BLM: variants seen among roughly 807,000 people sequenced by gnomAD.
The protein encoded by BLM is BLM RecQ like helicase.
In BLM, 95 loss-of-function variants were observed where a neutral mutation model predicts 135.3. The ratio of observed to expected loss-of-function variants is 0.70; its 90% CI spans 0.59 to 0.83. The LOEUF is 0.83. Ranked by LOEUF, BLM falls within the 40% of genes least tolerant of loss-of-function variation. The pLI is 0.00. For synonymous variants in BLM, 520 were observed against 589.2 expected, an observed-to-expected ratio of 0.88 and a Z score of 1.70; for missense variants, 1,518 against 1,663.9, an observed-to-expected ratio of 0.91 and a Z score of 1.53.
intron 13 of BLM, among the ~76,000 whole-genome samples, chr15:90,784,334 T>TTC (rs1896689837): frequency 7.6e-6 from 1 of 130,934 alleles, no homozygotes; most frequent in African/African-American, 3.2e-5. Flanking sequence ...TTTCTTTTTT[T>TTC]TTTTTTTTTT....
chr15:90,751,028 T>C (rs1335683007), intron 3 of BLM, among the ~76,000 whole-genome samples: 1 of 152,226 alleles, frequency 6.6e-6, no homozygotes, highest in Non-Finnish European at 1.5e-5. Context: ...TGCCACCTAA[T>C]ATTGATGTAT....
chr15:90,809,308 C>T (rs759309082), intron 20 of BLM, 49 bp downstream of exon 20: 11 of 1,612,916 alleles, frequency 6.8e-6, no homozygotes, highest in South Asian at 2.2e-5. Flanking sequence ...TAATGTGAAG[C>T]GACGCGTCTC....
Position 90,767,017 on chromosome 15 carries a change from A to G in BLM, c.2301A>G (p.Pro767=). Residue 767 remains proline (P), a synonymous_variant, in exon 10 of 22, where the codon CCA becomes CCG. Transcript: ENST00000355112. ...DPIIKLLYVT[P]EKICASNRLI... Reference sequence around the variant, plus strand: ...TCATAAAACTTCTATATGTCACTCCAGAAAAGGTTTGTATTTATATCATTA... The same window carrying G: ...TCATAAAACTTCTATATGTCACTCCGGAAAAGGTTTGTATTTATATCATTA... 6.5e-7 allele frequency: 1 copy of G among 1,528,206 alleles called. No individual in the cohort carries two copies. The highest frequency in any genetic ancestry group is 9.0e-7 in the Non-Finnish European group (1 of 1,105,550). The allele number at this position is 1,528,206 out of a possible 1,614,324, so 94.7% of individuals were successfully genotyped here. A position where few individuals can be genotyped will look rare whatever the true frequency, so the allele number is the denominator to read the frequency against.
intron 1 of BLM, among the ~76,000 whole-genome samples, chr15:90,721,065 T>C (rs1894752397): frequency 6.6e-6 from 1 of 152,186 alleles, no homozygotes; most frequent in African/African-American, 2.4e-5. Flanking sequence ...AAATTATTTA[T>C]TTTAGTGAAT....
At chr15:90,803,413 C>A in intron 17 of BLM, 108 bp from the exon 18 acceptor site, 1 of 948,388 alleles carries the variant, frequency 1.1e-6, no homozygotes, top group Non-Finnish European at 1.7e-6. Flanking sequence ...GGTTTGTGAT[C>A]TATTCCATCT....
At chr15:90,734,575 A>G (rs1316319685) in intron 1 of BLM, among the ~76,000 whole-genome samples, 3 of 152,032 alleles carry the variant, frequency 2.0e-5, no homozygotes, top group Non-Finnish European at 4.4e-5. Context: ...GATGTGAGCC[A>G]CCATGCCTGG....
chr15:90,780,697 C>T (rs552666682), intron 12 of BLM, among the ~76,000 whole-genome samples: 5 of 152,206 alleles, frequency 3.3e-5, no homozygotes, highest in Non-Finnish European at 7.3e-5. Flanking sequence ...GAGCACCAAG[C>T]GCTATGCTGT....
At chr15:90,752,832 A>C (rs747489265) in intron 4 of BLM, among the ~76,000 whole-genome samples, 25 of 152,216 alleles carry the variant, frequency 1.6e-4, no homozygotes, top group Non-Finnish European at 2.9e-4. Flanking sequence ...GCAAAAGTTT[A>C]TATAGAGTCT....
chr15:90,719,349 C>T (rs528418485), intron 1 of BLM, among the ~76,000 whole-genome samples: 2 of 152,294 alleles, frequency 1.3e-5, no homozygotes, highest in Admixed American at 1.3e-4. Context: ...CACCCATAAT[C>T]CCAGCACTTT....
At chr15:90,748,387 C>A (rs1179018677) in intron 2 of BLM, among the ~76,000 whole-genome samples, 3 of 152,130 alleles carry the variant, frequency 2.0e-5, no homozygotes, top group African/African-American at 7.2e-5. Context: ...GGATTACAGG[C>A]GTGAGCCACC....
Position 90,815,187 on chromosome 15 carries a change from G to C in BLM, c.4162G>C (p.Ala1388Pro), listed in dbSNP as rs1567068979. Residue 1388 changes from alanine (A) to proline (P), a missense_variant, in exon 22 of 22, where the codon GCG becomes CCG. Ala to Pro is a conservative substitution (Grantham distance 27). Around this residue, in one of 5 missense-constraint regions of BLM, gnomAD observed 153 missense variants for 173.4 expected, o/e 0.88. Transcript: ENST00000355112. The surrounding 1 kb of genome is among the most constrained non-coding windows in gnomAD (Gnocchi z 4.6). ...GSSSASHTSQ[A>P]TSGANSKLGI... ...CAGTTCAGCCTCACATACTTCTCAA[G>C]CGACATCAGGAGCCAATAGCAAATT... 6.2e-7 allele frequency: 1 copy of C among 1,614,134 alleles called. No homozygotes were observed. Among genetic ancestry groups the C allele is most frequent in the Non-Finnish European group, 8.5e-7 (1 of 1,180,036 alleles).
chr15:90,811,402 A>T lies in BLM; in HGVS notation c.4072A>T (p.Lys1358Ter). The T allele has an allele frequency of 6.2e-7, 1 of 1,614,124 alleles. No individual in the cohort carries two copies. The highest frequency in any genetic ancestry group is 8.5e-7 in the Non-Finnish European group (1 of 1,179,962). The change falls in exon 21 of 22, where the codon AAG (lysine) becomes TAG (stop). Residue 1358 changes from lysine to a stop codon, truncating the protein, a stop_gained. Coordinates refer to ENST00000355112, the MANE Select transcript of BLM (RefSeq NM_000057.4). LOFTEE classifies it low-confidence loss of function (END_TRUNC). ...AACTGCTTCCAGTGGTTCCAAGGCA[A>T]AGGGGTATGTTTTGTGACATCTTTT... Reference protein sequence around the residue: ...RKTASSGSKAKGGSATCRKIS... With the variant: ...RKTASSGSKA
chr15:90,805,827 G>A (rs920489145), intron 19 of BLM, among the ~76,000 whole-genome samples: 2 of 151,470 alleles, frequency 1.3e-5, no homozygotes, highest in African/African-American at 4.8e-5. Flanking sequence ...CACCGCATCC[G>A]GCCGGATTAT....
chr15:90,773,498 A>C (rs1896383768), intron 12 of BLM, among the ~76,000 whole-genome samples: 1 of 144,748 alleles, frequency 6.9e-6, no homozygotes, highest in Non-Finnish European at 1.5e-5. Context: ...CCTAAAGTTG[A>C]CACTTCAATG....
At chr15:90,806,709 T>C (rs1897293830) in intron 19 of BLM, among the ~76,000 whole-genome samples, 1 of 152,180 alleles carries the variant, frequency 6.6e-6, no homozygotes, top group East Asian at 1.9e-4. Flanking sequence ...AACGTCTTCA[T>C]ATAGTTGGCC....
Position 90,809,183 on chromosome 15 carries a change from T to G in BLM, c.3798T>G (p.Val1266=), listed in dbSNP as rs138831180. 3.3e-4 allele frequency: 536 copies of G among 1,614,186 alleles called. No homozygotes were observed. Among genetic ancestry groups the G allele is most frequent in the Middle Eastern group, 1.6e-3 (10 of 6,062 alleles). ...AGGTTTTGCTTCAAATTGATGGTGT[T>G]ACTGAAGACAAACTGGAAAAATATG... ...DPEVLLQIDG[V]TEDKLEKYGA... is the part of the protein sequence containing the mutation. Residue 1266 remains valine (V), a synonymous_variant, in exon 20 of 22, where the codon GTT becomes GTG. Coordinates refer to ENST00000355112, the MANE Select transcript of BLM (RefSeq NM_000057.4).
At position 90,717,380 on chromosome 15, in the gene BLM, C is replaced by G. The variant is rs577293550; in HGVS notation, c.-65C>G. 6.6e-6 allele frequency: 1 copy of G among 152,444 alleles called. No homozygotes were observed. The highest frequency in any genetic ancestry group is 1.5e-5 in the Non-Finnish European group (1 of 68,224). The allele number at this position is 152,444 out of a possible 1,614,324, so 9.4% of individuals were successfully genotyped here. A position where few individuals can be genotyped will look rare whatever the true frequency, so the allele number is the denominator to read the frequency against. On this transcript the variant is annotated 5_prime_UTR_variant, in exon 1 of 22. Transcript: ENST00000355112. ...AGTGAGCCAGGGCTTGGCGCGGCGG[C>G]CGTGGTTGCGGCGCGGGAAGTTTGG...
chr15:90,760,466 A>T, intron 6 of BLM, 128 bp from the exon 7 acceptor site: 1 of 1,276,936 alleles, frequency 7.8e-7, no homozygotes, highest in Non-Finnish European at 1.1e-6. Context: ...TCATGTTTTT[A>T]AGATTGGGAA....
At chr15:90,779,424 T>C (rs942089812) in intron 12 of BLM, among the ~76,000 whole-genome samples, 2 of 152,214 alleles carry the variant, frequency 1.3e-5, no homozygotes, top group Non-Finnish European at 2.9e-5. Flanking sequence ...CACCATAGCA[T>C]TCCTATCGGT....
Sources: gnomAD v4.1 joint callset for allele counts (sites outside exome capture counted in the v4.1 genomes callset) on GRCh38, gnomAD v4.1.1 for gene constraint, gnomAD v4.1.1 regional missense constraint, Gnocchi (gnomAD v3.1) non-coding constraint, MANE v1.5 for transcripts, NCBI Gene and HGNC (gene_info 2026-07-23, HGNC 2026-07-21) for gene names.